The following CHN1 variants were observed in gnomAD, a reference collection of about 807,000 sequenced individuals.
The protein encoded by CHN1 is N-chimaerin.
Under a neutral mutation model 59.5 loss-of-function variants are expected in CHN1, and 37 were observed. That is an observed-to-expected ratio of 0.62 (90% CI 0.48 to 0.82). The LOEUF (loss-of-function observed/expected upper bound fraction) is 0.82, where lower values mean the gene tolerates loss of function less well. Ranked by LOEUF, CHN1 falls within the 40% of genes least tolerant of loss-of-function variation. The pLI is 0.00. For missense variants in CHN1, 469 were observed against 571.0 expected, an observed-to-expected ratio of 0.82 and a Z score of 1.82; for synonymous variants, 206 against 200.4, an observed-to-expected ratio of 1.03 and a Z score of -0.24.
chr2:174,952,482 C>T (rs1202089874), intron 1 of CHN1, among the ~76,000 whole-genome samples: 1 of 152,132 alleles, frequency 6.6e-6, no homozygotes, highest in African/African-American at 2.4e-5. Flanking sequence ...TTCTTACTAT[C>T]ACTGAAGTAA....
chr2:174,968,520 G>A (rs1285858859), intron 1 of CHN1, among the ~76,000 whole-genome samples: 1 of 152,250 alleles, frequency 6.6e-6, no homozygotes, highest in Non-Finnish European at 1.5e-5. Flanking sequence ...AATTAACTAT[G>A]CTTTTATGGC....
At chr2:174,835,845 A>AT (rs142666969) in intron 7 of CHN1, among the ~76,000 whole-genome samples, 5,999 of 152,178 alleles carry the variant, frequency 0.039, 159 homozygotes, top group Non-Finnish European at 0.056. Context: ...CCAATGCTCC[A>AT]TGTGTTGTGA....
intron 6 of CHN1, among the ~76,000 whole-genome samples, chr2:174,861,841 G>C (rs1687078208): frequency 6.6e-6 from 1 of 152,182 alleles, no homozygotes; most frequent in Non-Finnish European, 1.5e-5. Flanking sequence ...TCCACAGGTT[G>C]TTGAATCACT....
intron 1 of CHN1, among the ~76,000 whole-genome samples, chr2:174,986,347 C>T (rs1691340116): frequency 6.6e-6 from 1 of 152,130 alleles, no homozygotes; most frequent in Non-Finnish European, 1.5e-5. Context: ...ACCAAGAATT[C>T]TAAAATATAG....
intron 5 of CHN1, among the ~76,000 whole-genome samples, chr2:174,904,997 T>C (rs1459509604): frequency 6.6e-6 from 1 of 152,156 alleles, no homozygotes; most frequent in Non-Finnish European, 1.5e-5. Flanking sequence ...TATCACCTTG[T>C]ATGGGTGCCA....
intron 6 of CHN1, among the ~76,000 whole-genome samples, chr2:174,874,640 G>A (rs138967402): frequency 2.4e-4 from 37 of 152,020 alleles, no homozygotes; most frequent in African/African-American, 8.0e-4. Flanking sequence ...AAAAACACTT[G>A]GAATTCTCAT....
intron 8 of CHN1, among the ~76,000 whole-genome samples, chr2:174,821,514 G>C (rs927366531): frequency 1.3e-4 from 20 of 152,224 alleles, no homozygotes; most frequent in African/African-American, 4.8e-4. Flanking sequence ...GCTAATGTGA[G>C]AGTATTAAGA....
At chr2:174,826,916 G>A (rs947559761) in intron 7 of CHN1, among the ~76,000 whole-genome samples, 3 of 152,084 alleles carry the variant, frequency 2.0e-5, no homozygotes, top group Admixed American at 1.3e-4. Flanking sequence ...AAGGCATCCT[G>A]AGCCATTTGA....
chr2:174,974,282 C>T (rs1411245651), intron 1 of CHN1, among the ~76,000 whole-genome samples: 1 of 152,196 alleles, frequency 6.6e-6, no homozygotes, highest in African/African-American at 2.4e-5. Flanking sequence ...ATTTATGTCA[C>T]GCAGCTGTGA....
intron 4 of CHN1, among the ~76,000 whole-genome samples, chr2:174,916,262 G>C (rs1574160922): frequency 6.6e-6 from 1 of 152,092 alleles, no homozygotes; most frequent in East Asian, 1.9e-4. Context: ...TGTTATGATG[G>C]TATACAAACT....
At chr2:174,845,400 T>C (rs532298989) in intron 7 of CHN1, among the ~76,000 whole-genome samples, 3 of 152,114 alleles carry the variant, frequency 2.0e-5, no homozygotes, top group Admixed American at 1.3e-4. Context: ...ATTTTCCTGA[T>C]AAAAATCCTG....
intron 5 of CHN1, among the ~76,000 whole-genome samples, chr2:174,884,874 G>C (rs558863444): frequency 8.5e-5 from 13 of 152,280 alleles, no homozygotes; most frequent in African/African-American, 2.6e-4. Flanking sequence ...CCAGAGACTG[G>C]CATAGTACTT....
At chr2:174,843,274 T>C (rs1686378516) in intron 7 of CHN1, among the ~76,000 whole-genome samples, 1 of 152,108 alleles carries the variant, frequency 6.6e-6, no homozygotes, top group Admixed American at 6.6e-5. Context: ...AGTTTTGCTG[T>C]TGTTGCCCAG....
intron 7 of CHN1, among the ~76,000 whole-genome samples, chr2:174,843,064 TTC>T (rs957755395): frequency 1.3e-5 from 2 of 152,198 alleles, no homozygotes; most frequent in African/African-American, 2.4e-5. Context: ...GTAGCCTAGC[TTC>T]TGTCGTTATT....
chr2:174,946,900 T>TAAAAA (rs34155510), intron 2 of CHN1, among the ~76,000 whole-genome samples: 166 of 100,182 alleles, frequency 1.7e-3, no homozygotes, highest in African/African-American at 6.2e-3. Flanking sequence ...CTAAAAAATG[T>TAAAAA]AAAAAAAAAA....
intron 6 of CHN1, among the ~76,000 whole-genome samples, chr2:174,861,881 CA>C (rs1687079079): frequency 6.6e-6 from 1 of 152,118 alleles, no homozygotes; most frequent in Non-Finnish European, 1.5e-5. Flanking sequence ...AGGACCAAAA[CA>C]ACTATTACTG....
At chr2:174,808,427 G>A (rs867202716) in intron 11 of CHN1, among the ~76,000 whole-genome samples, 10 of 152,272 alleles carry the variant, frequency 6.6e-5, no homozygotes, top group Non-Finnish European at 1.2e-4. Context: ...GGGACTACAG[G>A]CGCGTGCCAC....
intron 8 of CHN1, among the ~76,000 whole-genome samples, chr2:174,812,898 A>G (rs947842415): frequency 1.3e-5 from 2 of 152,218 alleles, no homozygotes; most frequent in African/African-American, 4.8e-5. Context: ...GACCTCCAAA[A>G]GTAGGAATAT....
chr2:174,992,449 G>C (rs1294744047), intron 1 of CHN1, among the ~76,000 whole-genome samples: 1 of 152,218 alleles, frequency 6.6e-6, no homozygotes, highest in Non-Finnish European at 1.5e-5. Context: ...ATAGGAAAGG[G>C]AGGAAAAGGA....
Sources: allele counts gnomAD v4.1 joint callset (sites outside exome capture counted in the v4.1 genomes callset), GRCh38; gene constraint gnomAD v4.1.1; transcripts MANE v1.5; gene names NCBI Gene and HGNC (gene_info 2026-07-23, HGNC 2026-07-21).